NAA25: variants seen among roughly 807,000 people sequenced by gnomAD.
The protein encoded by NAA25 is N-terminal acetyltransferase B complex subunit NAA25.
In NAA25, 30 loss-of-function variants were observed where a neutral mutation model predicts 132.5. That is an observed-to-expected ratio of 0.23 (90% confidence interval 0.17 to 0.31). The LOEUF (loss-of-function observed/expected upper bound fraction) is 0.31. Ranked by LOEUF, NAA25 falls within the 10% of genes least tolerant of loss-of-function variation. NAA25 has a pLI of 1.00. For missense variants in NAA25, 771 were observed against 1,150.4 expected (o/e 0.67, Z 4.77); for synonymous variants, 359 against 401.9 (o/e 0.89, Z 1.28).
intron 13 of NAA25, among the ~76,000 whole-genome samples, chr12:112,059,842 C>G (rs530369092): frequency 1.4e-5 from 2 of 148,102 alleles, no homozygotes; most frequent in East Asian, 4.0e-4. Context: ...GAGTCTTGCT[C>G]TGTTGCCCAG....
intron 20 of NAA25, among the ~76,000 whole-genome samples, chr12:112,041,191 C>CA (rs2078296590): frequency 7.0e-6 from 1 of 142,438 alleles, no homozygotes; most frequent in Non-Finnish European, 1.5e-5. Flanking sequence ...TAAAAAGACA[C>CA]TTTTTTTTTT....
chr12:112,101,835 A>G (rs2079301168), intron 1 of NAA25, among the ~76,000 whole-genome samples: 1 of 151,704 alleles, frequency 6.6e-6, no homozygotes. Flanking sequence ...AGTGATGGCT[A>G]CCAGCTATTA....
At chr12:112,106,190 A>G (rs2079359584) in intron 1 of NAA25, among the ~76,000 whole-genome samples, 1 of 152,192 alleles carries the variant, frequency 6.6e-6, no homozygotes, top group Non-Finnish European at 1.5e-5. Context: ...CAAAAGCTAC[A>G]TAATTCTGAC....
At chr12:112,030,379 C>A (rs774192797) in intron 23 of NAA25, among the ~76,000 whole-genome samples, 1 of 151,948 alleles carries the variant, frequency 6.6e-6, no homozygotes, top group Non-Finnish European at 1.5e-5. Flanking sequence ...TTGTTTTCAT[C>A]AGAAAAAAGT....
At chr12:112,086,037 AAAAAAAAAAAAAAAATAT>A (rs2079044196) in intron 4 of NAA25, among the ~76,000 whole-genome samples, 1 of 79,090 alleles carries the variant, frequency 1.3e-5, no homozygotes, top group African/African-American at 7.9e-5. Context: ...AAAAAAAAAA[AAAAAAAAAAAAAAAATAT>A]ATATATATAT....
chr12:112,046,776 T>C (rs2078387502), intron 17 of NAA25, among the ~76,000 whole-genome samples: 1 of 152,242 alleles, frequency 6.6e-6, no homozygotes, highest in African/African-American at 2.4e-5. Flanking sequence ...TGCTGTAAGA[T>C]GTGTTTCTTT....
At chr12:112,033,737 TTAC>T (rs1239061516) in intron 22 of NAA25, 1 of 155,546 alleles carries the variant, frequency 6.4e-6, no homozygotes, top group Non-Finnish European at 1.4e-5. Flanking sequence ...TTTAAAAATA[TTAC>T]TACATTGACA....
At chr12:112,074,121 A>T (rs2078857971) in intron 9 of NAA25, among the ~76,000 whole-genome samples, 1 of 152,044 alleles carries the variant, frequency 6.6e-6, no homozygotes, top group South Asian at 2.1e-4. Flanking sequence ...TGGGTGGATC[A>T]CCTGAGGTCA....
chr12:112,094,148 G>GGA (rs1319861416), intron 1 of NAA25, among the ~76,000 whole-genome samples: 1 of 150,742 alleles, frequency 6.6e-6, no homozygotes, highest in African/African-American at 2.5e-5. Flanking sequence ...GGCTGAGACA[G>GGA]GAGAATGGCG....
rs2078122327 is a variant in NAA25, at chr12:112,029,516, A to G, written c.*15T>C. ...TTCTGTTGCAGAGTCATCAGTGCCC[A>G]TGATAGATACTTCCTTAAATTTTTA... On this transcript the variant is annotated 3_prime_UTR_variant, in exon 24 of 24. Transcript: ENST00000261745. 1 of 1,613,638 alleles carries G rather than the reference A, an allele frequency of 6.2e-7. No individual in the cohort carries two copies. Among genetic ancestry groups the G allele is most frequent in the Non-Finnish European group, 8.5e-7 (1 of 1,179,720 alleles).
chr12:112,093,204 C>T (rs1365577317), intron 1 of NAA25, 68 bp from the exon 2 acceptor site: 1 of 974,544 alleles, frequency 1.0e-6, no homozygotes, highest in African/African-American at 1.6e-5. Context: ...AATGCACCAA[C>T]TGGTATGAGA....
chr12:112,090,589 G>A (rs958194433), intron 3 of NAA25, 137 bp downstream of exon 3: 37 of 755,650 alleles, frequency 4.9e-5, no homozygotes, highest in Non-Finnish European at 7.2e-5. Flanking sequence ...TACAGTTCTC[G>A]CAAACCCTGG....
intron 17 of NAA25, among the ~76,000 whole-genome samples, chr12:112,045,483 T>C (rs1214111201): frequency 1.7e-5 from 2 of 114,994 alleles, no homozygotes; most frequent in African/African-American, 3.1e-5. Context: ...TGAGACTCCA[T>C]CACAAAAAAA....
chr12:112,066,948 G>T (rs1216219383), intron 11 of NAA25, among the ~76,000 whole-genome samples: 1 of 152,210 alleles, frequency 6.6e-6, no homozygotes, highest in East Asian at 1.9e-4. Context: ...GACAATAGAA[G>T]GCTTTCTGGG....
chr12:112,043,265 A>G (rs2078328575), intron 18 of NAA25, 54 bp from the exon 19 acceptor site: 1 of 1,513,078 alleles, frequency 6.6e-7, no homozygotes, highest in Admixed American at 2.2e-5. Flanking sequence ...AATGCATACA[A>G]AATAAGAAAA....
chr12:112,054,643 T>G, intron 13 of NAA25, 75 bp from the exon 14 acceptor site: 1 of 1,351,824 alleles, frequency 7.4e-7, no homozygotes, highest in African/African-American at 1.5e-5. Flanking sequence ...AAACAAAACC[T>G]TATTGACATC....
chr12:112,081,211 A>C, intron 4 of NAA25, 77 bp from the exon 5 acceptor site: 1 of 1,241,078 alleles, frequency 8.1e-7, no homozygotes, highest in Non-Finnish European at 1.2e-6. Flanking sequence ...CACGACAAAA[A>C]GTTTCTTGGG....
intron 14 of NAA25, among the ~76,000 whole-genome samples, 164 bp from the exon 15 acceptor site, chr12:112,053,821 T>TAAAAA (rs4041251): frequency 8.7e-6 from 1 of 114,344 alleles, no homozygotes; most frequent in East Asian, 2.4e-4. Flanking sequence ...AGTTAAAATT[T>TAAAAA]AAAAAAAAAA....
intron 4 of NAA25, 107 bp from the exon 5 acceptor site, chr12:112,081,241 A>G: frequency 1.2e-6 from 1 of 865,908 alleles, no homozygotes; most frequent in Admixed American, 2.3e-5. Context: ...ATATATTTAC[A>G]TATCCCAGTT....
Sources: gnomAD v4.1 joint callset for allele counts (sites outside exome capture counted in the v4.1 genomes callset) on GRCh38, gnomAD v4.1.1 for gene constraint, MANE v1.5 for transcripts, NCBI Gene and HGNC (gene_info 2026-07-23, HGNC 2026-07-21) for gene names.